Variants in DAPP1 observed in about 807,000 individuals in gnomAD.
DAPP1 encodes the protein dual adaptor of phosphotyrosine and 3-phosphoinositides 1.
DAPP1 carries 20 observed loss-of-function variants against 41.5 expected under a neutral mutation model. That is an observed-to-expected ratio of 0.48 (90% CI 0.34 to 0.70). The LOEUF is 0.70. DAPP1 is among the 30% of genes least tolerant of loss of function. The probability of loss-of-function intolerance (pLI) is 0.01; values close to 1 mark genes in which losing one functional copy is unlikely to be tolerated. For synonymous variants in DAPP1, 113 were observed against 116.2 expected (o/e 0.97, Z 0.18); for missense variants, 233 against 333.4 (o/e 0.70, Z 2.35).
chr4:99,847,917 G>A (rs1691551039), intron 3 of DAPP1, among the ~76,000 whole-genome samples: 1 of 152,026 alleles, frequency 6.6e-6, no homozygotes. Context: ...TGGTTCAAGC[G>A]ATTCTCCTGT....
intron 3 of DAPP1, chr4:99,844,231 T>C (rs1025418283): frequency 1.3e-5 from 2 of 152,206 alleles, no homozygotes; most frequent in Non-Finnish European, 2.9e-5. Flanking sequence ...TTGAATTCTA[T>C]GTTCCTCACA....
chr4:99,845,102 A>G (rs975030206), intron 3 of DAPP1, among the ~76,000 whole-genome samples: 2 of 152,188 alleles, frequency 1.3e-5, no homozygotes, highest in Non-Finnish European at 2.9e-5. Context: ...ACCTACATCA[A>G]CTTATTTCAT....
At chr4:99,829,372 C>T (rs149129863) in intron 1 of DAPP1, among the ~76,000 whole-genome samples, 1,740 of 151,918 alleles carry the variant, frequency 0.011, 41 homozygotes, top group African/African-American at 0.039. Flanking sequence ...CCCACCTACT[C>T]AGAAGGCTGA....
intron 6 of DAPP1, among the ~76,000 whole-genome samples, chr4:99,863,440 T>A (rs1289505240): frequency 6.6e-6 from 1 of 152,194 alleles, no homozygotes; most frequent in African/African-American, 2.4e-5. Flanking sequence ...AATTTAAAAT[T>A]ATTTTTTCTC....
intron 5 of DAPP1, 109 bp downstream of exon 5, chr4:99,861,734 T>TTTTA: frequency 8.0e-7 from 1 of 1,248,922 alleles, no homozygotes. Flanking sequence ...TGCCTGCTCA[T>TTTTA]TTTAACCCAT....
rs142792296 is a variant in DAPP1, at chr4:99,826,104, C to T, written c.101+9090C>T. 1.9e-3 allele frequency among the ~76,000 whole-genome samples: 284 copies of T among 152,304 alleles called. 1 individual carries two copies. The highest frequency in any genetic ancestry group is 7.5e-3 in the East Asian group (39 of 5,180). On this transcript the variant is annotated intron_variant, in intron 1 of 8. Transcript: ENST00000512369. ...AACAGATTAAACCTTAGAGTGTGAACGCCTAATAGATTCATCTTTGTTCTA... is the reference window on the plus strand; with the variant it reads ...AACAGATTAAACCTTAGAGTGTGAATGCCTAATAGATTCATCTTTGTTCTA...
intron 3 of DAPP1, among the ~76,000 whole-genome samples, chr4:99,847,507 G>A (rs1406834116): frequency 6.6e-6 from 1 of 152,194 alleles, no homozygotes; most frequent in African/African-American, 2.4e-5. Flanking sequence ...GCTAAGCATG[G>A]CTGAAACCAG....
intron 3 of DAPP1, among the ~76,000 whole-genome samples, chr4:99,847,583 T>C (rs1375276516): frequency 1.3e-5 from 2 of 152,186 alleles, no homozygotes; most frequent in African/African-American, 2.4e-5. Flanking sequence ...GTGAAACTTA[T>C]AGCCAAGTTT....
chr4:99,819,830 T>G (rs1578338490), intron 1 of DAPP1, among the ~76,000 whole-genome samples: 2 of 152,270 alleles, frequency 1.3e-5, no homozygotes, highest in South Asian at 2.1e-4. Context: ...GGGCCTCTGT[T>G]TTTTTCAGGC....
intron 3 of DAPP1, among the ~76,000 whole-genome samples, chr4:99,849,707 C>T (rs1364676350): frequency 6.6e-6 from 1 of 152,144 alleles, no homozygotes; most frequent in Non-Finnish European, 1.5e-5. Context: ...TGTTACATGG[C>T]AAGAGGGAAT....
In DAPP1 at chr4:99,857,705, C is replaced by T. The variant is rs932564222; in HGVS notation, c.490-3873C>T. On this transcript the variant is annotated intron_variant, in intron 4 of 8. Coordinates refer to ENST00000512369, the MANE Select transcript of DAPP1 (RefSeq NM_014395.3). ...AAAAAAGTATATGTATGTATATACA[C>T]ACACACACACACACACACACACACA... Among the ~76,000 whole-genome samples, 296 of 106,988 alleles carry T rather than the reference C, an allele frequency of 2.8e-3. 1 individual carries two copies. The highest frequency in any genetic ancestry group is 5.0e-3 in the African/African-American group (123 of 24,782). 70.2% of individuals were successfully genotyped at this position (106,988 alleles called of 152,430 possible).
chr4:99,844,238 C>T (rs746939993), intron 3 of DAPP1: 1 of 152,176 alleles, frequency 6.6e-6, no homozygotes, highest in Non-Finnish European at 1.5e-5. Flanking sequence ...CTATGTTCCT[C>T]ACAGGAAGAG....
chr4:99,867,671 T>TA (rs2110171664), intron 8 of DAPP1, among the ~76,000 whole-genome samples: 1 of 152,342 alleles, frequency 6.6e-6, no homozygotes, highest in Admixed American at 6.5e-5. Flanking sequence ...ATGTATCCAC[T>TA]AAAAAATGTT....
At position 99,817,240 on chromosome 4, in the gene DAPP1, T is replaced by A. The variant is rs2282588; in HGVS notation, c.101+226T>A. On this transcript the variant is annotated intron_variant, in intron 1 of 8. Coordinates refer to ENST00000512369, the MANE Select transcript of DAPP1 (RefSeq NM_014395.3). ...TATTTTTCTAGATGTGAAAACAAGT[T>A]GGTTGAGAAAATAGGGAAAAAAATC... Among the ~76,000 whole-genome samples, 85,201 of 151,982 alleles carry A rather than the reference T, an allele frequency of 0.56. 24,710 individuals are homozygous for A. The highest frequency in any genetic ancestry group is 0.72 in the African/African-American group (29,844 of 41,440).
rs1723808737 is a variant in DAPP1 at position 99,850,276 on chromosome 4, G to A, written c.359-2942G>A. On this transcript the variant is annotated intron_variant, in intron 3 of 8. Coordinates refer to ENST00000512369, the MANE Select transcript of DAPP1 (RefSeq NM_014395.3). ...AATACGAAAATTGGCCCGGTGTGGTGGTGGATGCCTGTATTCCCAGCTACT... is the reference window on the plus strand; with the variant it reads ...AATACGAAAATTGGCCCGGTGTGGTAGTGGATGCCTGTATTCCCAGCTACT... Among the ~76,000 whole-genome samples, 3 of 152,200 alleles carry A rather than the reference G, an allele frequency of 2.0e-5. No individual in the cohort carries two copies. In the South Asian group the frequency reaches 6.2e-4, roughly 32 times the overall value.
chr4:99,860,886 C>A (rs890485), intron 4 of DAPP1, among the ~76,000 whole-genome samples: 19,974 of 152,146 alleles, frequency 0.13, 1,798 homozygotes, highest in Admixed American at 0.26. Context: ...CAATTCTCCA[C>A]CCTTATATTT....
intron 1 of DAPP1, among the ~76,000 whole-genome samples, chr4:99,825,300 A>C (rs993487596): frequency 6.6e-6 from 1 of 151,916 alleles, no homozygotes; most frequent in Admixed American, 6.6e-5. Context: ...CTGAGTCTCC[A>C]TGTCTGTCTG....
intron 2 of DAPP1, among the ~76,000 whole-genome samples, chr4:99,838,647 G>C (rs1723383764): frequency 6.6e-6 from 1 of 152,330 alleles, no homozygotes; most frequent in Middle Eastern, 3.4e-3. Context: ...ACAGGAGGCA[G>C]AGCTCAGGCA....
chr4:99,829,550 T>C (rs1016617073), intron 1 of DAPP1, among the ~76,000 whole-genome samples: 2 of 152,164 alleles, frequency 1.3e-5, no homozygotes, highest in Admixed American at 1.3e-4. Context: ...AAACTGAGGT[T>C]GCTACTTGCC....
Sources: allele counts gnomAD v4.1 joint callset (sites outside exome capture counted in the v4.1 genomes callset), GRCh38; gene constraint gnomAD v4.1.1; transcripts MANE v1.5; gene names NCBI Gene and HGNC (gene_info 2026-07-23, HGNC 2026-07-21).